The following THSD7A variants were observed in gnomAD, a reference collection of about 807,000 sequenced individuals.
THSD7A encodes the protein thrombospondin type-1 domain-containing protein 7A.
THSD7A carries 96 observed loss-of-function variants against 231.3 expected under a neutral mutation model. That is an observed-to-expected ratio of 0.41 (90% CI 0.35 to 0.49). The LOEUF (loss-of-function observed/expected upper bound fraction) is 0.49. THSD7A is among the 20% of genes least tolerant of loss of function. The pLI is 0.05. For synonymous variants in THSD7A, 940 were observed against 743.3 expected (o/e 1.26, Z -4.30); for missense variants, 2,290 against 2,070.2 (o/e 1.11, Z -2.06).
rs752359194 is a variant in THSD7A at position 11,636,957 on chromosome 7, T to C, written c.195A>G (p.Pro65=). Residue 65 remains proline, a synonymous_variant, in exon 2 of 28, where the codon CCA becomes CCG. Coordinates refer to ENST00000423059, the MANE Select transcript of THSD7A (RefSeq NM_015204.3). This position sits in a 1 kb window ranked among gnomAD's most constrained non-coding sequence, Gnocchi z 10.0. ...APTLYLWKTG[P]WGRCMGDECG... ...ATTCATCTCCCATACATCGGCCCCATGGACCTACAAAAATTATAACACAAA... is the reference window on the plus strand; with the variant it reads ...ATTCATCTCCCATACATCGGCCCCACGGACCTACAAAAATTATAACACAAA... 6.9e-6 allele frequency: 11 copies of C among 1,598,338 alleles called. No individual in the cohort carries two copies. Among genetic ancestry groups the C allele is most frequent in the South Asian group, 2.2e-5 (2 of 90,086 alleles).
intron 1 of THSD7A, among the ~76,000 whole-genome samples, chr7:11,827,252 G>C (rs1785059440): frequency 6.6e-6 from 1 of 152,064 alleles, no homozygotes; most frequent in African/African-American, 2.4e-5. Flanking sequence ...TTGTAGTAGA[G>C]AGACTTACAT....
At chr7:11,699,205 A>G (rs1329224835) in intron 1 of THSD7A, among the ~76,000 whole-genome samples, 1 of 151,224 alleles carries the variant, frequency 6.6e-6, no homozygotes, top group Non-Finnish European at 1.5e-5. Context: ...CATTCTTTGA[A>G]AAGCAGTGTC....
chr7:11,527,788 C>T (rs1209683037), intron 6 of THSD7A, among the ~76,000 whole-genome samples: 1 of 152,134 alleles, frequency 6.6e-6, no homozygotes, highest in East Asian at 1.9e-4. Context: ...TTCTATATCA[C>T]TTAGACCTCT....
At chr7:11,536,401 C>T (rs1273969543) in intron 6 of THSD7A, among the ~76,000 whole-genome samples, 1 of 152,192 alleles carries the variant, frequency 6.6e-6, no homozygotes, top group African/African-American at 2.4e-5. Context: ...TCTGCAGCTT[C>T]AGCCTCATCC....
In THSD7A at chr7:11,521,492, A is replaced by AT. The variant is rs1402284150; in HGVS notation, c.1822+19926dup. On this transcript the variant is annotated intron_variant, in intron 6 of 27. Transcript: ENST00000423059. ...ATTTTTTTATTTTATTTATTTATTTATTTATTTTTTTATTATACTCTAAGT... is the reference window on the plus strand; with the variant it reads ...ATTTTTTTATTTTATTTATTTATTTATTTTATTTTTTTATTATACTCTAAGT... 2.3e-4 allele frequency among the ~76,000 whole-genome samples: 29 copies of AT among 127,298 alleles called. 5 individuals carry two copies. The highest frequency in any genetic ancestry group is 1.7e-3 in the East Asian group (8 of 4,586). The allele number at this position is 127,298 out of a possible 152,430, so 83.5% of individuals were successfully genotyped here.
At chr7:11,654,525 A>G (rs1032958611) in intron 1 of THSD7A, among the ~76,000 whole-genome samples, 1 of 152,000 alleles carries the variant, frequency 6.6e-6, no homozygotes, top group Non-Finnish European at 1.5e-5. Flanking sequence ...TTAGGGAGTC[A>G]GTAATTAACA....
At chr7:11,456,106 AT>A (rs1785300124) in intron 11 of THSD7A, among the ~76,000 whole-genome samples, 1 of 152,170 alleles carries the variant, frequency 6.6e-6, no homozygotes, top group South Asian at 2.1e-4. Flanking sequence ...CTGAATCATA[AT>A]AGGTGACCTT....
intron 2 of THSD7A, among the ~76,000 whole-genome samples, chr7:11,626,372 C>T (rs1354407484): frequency 6.6e-6 from 1 of 152,034 alleles, no homozygotes; most frequent in Admixed American, 6.6e-5. Context: ...AGGTCATATT[C>T]CCAAATTCCT....
At chr7:11,387,464 C>G (rs1449472054) in intron 23 of THSD7A, among the ~76,000 whole-genome samples, 1 of 152,046 alleles carries the variant, frequency 6.6e-6, no homozygotes, top group Non-Finnish European at 1.5e-5. Flanking sequence ...ATTTTATTCT[C>G]TTTGTAGCAA....
intron 1 of THSD7A, among the ~76,000 whole-genome samples, chr7:11,739,274 G>C (rs564138899): frequency 7.2e-5 from 11 of 151,980 alleles, no homozygotes; most frequent in Admixed American, 1.3e-4. Flanking sequence ...CAGTGAATAA[G>C]AGCCTTGAAA....
intron 4 of THSD7A, among the ~76,000 whole-genome samples, chr7:11,561,695 C>T (rs758876050): frequency 7.9e-5 from 12 of 152,022 alleles, no homozygotes; most frequent in African/African-American, 2.4e-4. Context: ...AATGGCAAAA[C>T]CCCAACTCTA....
At chr7:11,475,935 CTTTTTTTTTT>C (rs553018024) in intron 7 of THSD7A, among the ~76,000 whole-genome samples, 1 of 110,770 alleles carries the variant, frequency 9.0e-6, no homozygotes, top group Admixed American at 9.5e-5. Flanking sequence ...AAATACTTTC[CTTTTTTTTTT>C]TTTTTTTTTG....
In THSD7A at chr7:11,768,360, A is replaced by G. The variant is rs184913070; in HGVS notation, c.190+63397T>C. Among the ~76,000 whole-genome samples, 275 of 152,318 alleles carry G rather than the reference A, an allele frequency of 1.8e-3. 1 individual carries two copies. Among genetic ancestry groups the G allele is most frequent in the Non-Finnish European group, 2.9e-3 (195 of 68,034 alleles). ...TTTCAAGAGCTAACATCATAGAGGCAATCACAAACTGGCTTGACACCATAG... is the reference window on the plus strand; with the variant it reads ...TTTCAAGAGCTAACATCATAGAGGCGATCACAAACTGGCTTGACACCATAG... On this transcript the variant is annotated intron_variant, in intron 1 of 27. Transcript: ENST00000423059.
intron 1 of THSD7A, among the ~76,000 whole-genome samples, chr7:11,650,058 C>A: frequency 6.6e-6 from 1 of 152,024 alleles, no homozygotes. Flanking sequence ...ATATTTCTTA[C>A]CAATGAGAAT....
intron 6 of THSD7A, chr7:11,520,164 G>C (rs1445890618): frequency 2.0e-5 from 3 of 152,200 alleles, no homozygotes; most frequent in African/African-American, 7.2e-5. Context: ...CAACTACTGA[G>C]ATGTAATATG....
At chr7:11,710,098 T>A (rs116969276) in intron 1 of THSD7A, among the ~76,000 whole-genome samples, 16,937 of 150,594 alleles carry the variant, frequency 0.11, 1,016 homozygotes, top group South Asian at 0.15. Flanking sequence ...CTATTTTTTT[T>A]TAAAAAATGA....
In THSD7A at chr7:11,370,563, T is replaced by G. The variant is rs1368145399; in HGVS notation, c.*5231A>C. 2 of 152,138 alleles carry G rather than the reference T, an allele frequency of 1.3e-5. No homozygotes were observed. The highest frequency in any genetic ancestry group is 2.9e-5 in the Non-Finnish European group (2 of 68,014). The allele number at this position is 152,138 out of a possible 1,614,324, so 9.4% of individuals were successfully genotyped here. A position where few individuals can be genotyped will look rare whatever the true frequency, so the allele number is the denominator to read the frequency against. On this transcript the variant is annotated 3_prime_UTR_variant, in exon 28 of 28. Coordinates refer to ENST00000423059, the MANE Select transcript of THSD7A (RefSeq NM_015204.3). ...TCTGTATTGACTGAATAAAGCTTAG[T>G]GACATTATTTGCAAATCTGTAGTTA...
chr7:11,611,990 C>T (rs1276530056), intron 2 of THSD7A, among the ~76,000 whole-genome samples: 1 of 152,040 alleles, frequency 6.6e-6, no homozygotes, highest in Non-Finnish European at 1.5e-5. Flanking sequence ...CTCTAGCTTT[C>T]TAATTGCTGC....
intron 6 of THSD7A, among the ~76,000 whole-genome samples, chr7:11,533,928 G>C (rs1022834562): frequency 1.3e-5 from 2 of 152,108 alleles, no homozygotes; most frequent in Non-Finnish European, 1.5e-5. Context: ...ATGGCTGAAT[G>C]CTTCCTGTTT....
Sources: gnomAD v4.1 joint callset for allele counts (sites outside exome capture counted in the v4.1 genomes callset) on GRCh38, gnomAD v4.1.1 for gene constraint, Gnocchi (gnomAD v3.1) non-coding constraint, MANE v1.5 for transcripts, NCBI Gene and HGNC (gene_info 2026-07-23, HGNC 2026-07-21) for gene names.